SMC5: variants seen among roughly 807,000 people sequenced by gnomAD.
SMC5 encodes structural maintenance of chromosomes protein 5.
SMC5 carries 88 observed loss-of-function variants against 148.3 expected under a neutral mutation model. The ratio of observed to expected loss-of-function variants is 0.59; its 90% CI spans 0.50 to 0.71. SMC5 has a LOEUF of 0.71. Among genes scored for constraint, SMC5 ranks in the 30% least tolerant of loss-of-function variants. SMC5 has a pLI of 0.00. For synonymous variants in SMC5, 421 were observed against 432.8 expected, an observed-to-expected ratio of 0.97 and a Z score of 0.34; for missense variants, 1,142 against 1,298.9, an observed-to-expected ratio of 0.88 and a Z score of 1.86.
intron 8 of SMC5, among the ~76,000 whole-genome samples, chr9:70,288,354 C>T (rs556456715): frequency 6.6e-6 from 1 of 152,056 alleles, no homozygotes; most frequent in Non-Finnish European, 1.5e-5. Context: ...TTCTTCTCTT[C>T]CTATCACTGA....
At chr9:70,293,731 A>G (rs1337154189) in intron 8 of SMC5, among the ~76,000 whole-genome samples, 1 of 152,046 alleles carries the variant, frequency 6.6e-6, no homozygotes, top group Non-Finnish European at 1.5e-5. Context: ...CATTTAGACT[A>G]TTTCTAGTTT....
chr9:70,286,766 G>C (rs1200721764), intron 8 of SMC5: 2 of 148,424 alleles, frequency 1.3e-5, no homozygotes, highest in African/African-American at 5.1e-5. Context: ...ACCCAGGTTG[G>C]AGTACAGTGG....
intron 5 of SMC5, among the ~76,000 whole-genome samples, chr9:70,279,598 C>T (rs968930718): frequency 6.6e-6 from 1 of 152,022 alleles, no homozygotes. Flanking sequence ...GGGTGGATCA[C>T]CTGAGGTCAG....
In SMC5 at chr9:70,259,252, G is replaced by C. The variant is rs1308587747; in HGVS notation, c.174G>C (p.Met58Ile). 6.3e-7 allele frequency: 1 copy of C among 1,587,706 alleles called. No homozygotes were observed. The highest frequency in any genetic ancestry group is 8.6e-7 in the Non-Finnish European group (1 of 1,166,158). ...FVEGSIVRIS[M>I]ENFLTYDICE... ...AAGGCTCTATCGTCCGCATCTCGAT[G>C]GAGAACTTCCTGTAAGTTGCCCGGA... The change falls in exon 1 of 25, where the codon ATG becomes ATC. Residue 58 changes from methionine (M) to isoleucine (I), a missense_variant. Met to Ile is a conservative substitution (Grantham distance 10). Transcript: ENST00000361138.
chr9:70,341,856 A>C (rs1423577061), intron 17 of SMC5, among the ~76,000 whole-genome samples: 2 of 151,824 alleles, frequency 1.3e-5, no homozygotes, highest in Non-Finnish European at 2.9e-5. Flanking sequence ...CTAGAACTAG[A>C]AATACCATTT....
At chr9:70,318,310 C>A (rs1360829123) in intron 13 of SMC5, among the ~76,000 whole-genome samples, 1 of 151,836 alleles carries the variant, frequency 6.6e-6, no homozygotes, top group Non-Finnish European at 1.5e-5. Flanking sequence ...ATCACTTGAG[C>A]CTGGGGGGTT....
At position 70,285,180 on chromosome 9, in the gene SMC5, G is replaced by A. The variant is rs116894023; in HGVS notation, c.982-1020G>A. Among the ~76,000 whole-genome samples the A allele has an allele frequency of 3.1e-3, 473 of 152,084 alleles. 3 individuals are homozygous for A. Among genetic ancestry groups the A allele is most frequent in the Middle Eastern group, 6.8e-3 (2 of 294 alleles). ...TGTCTCTTGGCATCAGAGATCCACCGGAGACATGATTTCCTAGGAGGGCTC... is the reference window on the plus strand; with the variant it reads ...TGTCTCTTGGCATCAGAGATCCACCAGAGACATGATTTCCTAGGAGGGCTC... On this transcript the variant is annotated intron_variant, in intron 7 of 24. Coordinates refer to ENST00000361138, the MANE Select transcript of SMC5 (RefSeq NM_015110.4).
rs760805164 is a variant in SMC5, at chr9:70,318,988, G to T, written c.2150+25G>T. ...GGTATCTTTTAGCCTATTCAGGGGG[G>T]AGAGCACAAATTACTGTATGGGAGA... On this transcript the variant is annotated intron_variant, in intron 15 of 24. Coordinates refer to ENST00000361138, the MANE Select transcript of SMC5 (RefSeq NM_015110.4). The T allele has an allele frequency of 3.8e-6, 6 of 1,578,254 alleles. No homozygotes were observed. The South Asian group carries it at 6.0e-5, about 16-fold the overall frequency.
intron 17 of SMC5, among the ~76,000 whole-genome samples, chr9:70,343,147 C>T (rs1415716116): frequency 7.1e-6 from 1 of 141,624 alleles, no homozygotes; most frequent in Non-Finnish European, 1.5e-5. Flanking sequence ...CTTTCAGTCT[C>T]TTTTTTTTTT....
rs151273015 is a variant in SMC5 at position 70,281,850 on chromosome 9, C to A, written c.820-572C>A. 3.9e-3 allele frequency among the ~76,000 whole-genome samples: 595 copies of A among 151,290 alleles called. 3 individuals are homozygous for A. The highest frequency in any genetic ancestry group is 0.013 in the African/African-American group (550 of 41,280). On this transcript the variant is annotated intron_variant, in intron 6 of 24. Transcript: ENST00000361138. Reference sequence around the variant, plus strand: ...TTCTAAGATTGATTTACCTTTTTTTCATTTTTCTTCTTTTTTGATGTACTT... The same window carrying A: ...TTCTAAGATTGATTTACCTTTTTTTAATTTTTCTTCTTTTTTGATGTACTT...
intron 3 of SMC5, among the ~76,000 whole-genome samples, chr9:70,273,429 T>C (rs971417134): frequency 1.3e-5 from 2 of 152,056 alleles, no homozygotes; most frequent in African/African-American, 4.8e-5. Context: ...AAAGATTGAC[T>C]TGTCAATTTT....
chr9:70,275,923 A>G (rs1212735295), intron 3 of SMC5, among the ~76,000 whole-genome samples: 2 of 152,142 alleles, frequency 1.3e-5, no homozygotes, highest in Non-Finnish European at 2.9e-5. Flanking sequence ...TCATCCAAAT[A>G]TCTTTAATAT....
chr9:70,297,899 T>A, intron 8 of SMC5, 67 bp from the exon 9 acceptor site: 3 of 1,516,584 alleles, frequency 2.0e-6, no homozygotes, highest in Non-Finnish European at 2.7e-6. Context: ...AAAACTATAT[T>A]ACTACAGAAG....
At chr9:70,281,320 G>A (rs1233260870) in intron 6 of SMC5, among the ~76,000 whole-genome samples, 1 of 152,128 alleles carries the variant, frequency 6.6e-6, no homozygotes, top group African/African-American at 2.4e-5. Context: ...GATTACGGGT[G>A]TGAGCCACCG....
intron 17 of SMC5, among the ~76,000 whole-genome samples, chr9:70,340,003 A>G (rs2036476892): frequency 6.6e-6 from 1 of 152,158 alleles, no homozygotes; most frequent in African/African-American, 2.4e-5. Context: ...AAGCTTAATC[A>G]TTCTCTGCAG....
intron 17 of SMC5, among the ~76,000 whole-genome samples, chr9:70,341,106 C>T (rs1218231364): frequency 1.3e-5 from 2 of 152,060 alleles, no homozygotes; most frequent in Admixed American, 1.3e-4. Flanking sequence ...ATTATATATG[C>T]CTTCCCACTT....
chr9:70,309,428 C>T (rs2035601742), intron 11 of SMC5, among the ~76,000 whole-genome samples: 1 of 145,386 alleles, frequency 6.9e-6, no homozygotes, highest in Non-Finnish European at 1.5e-5. Flanking sequence ...GCATGAGCCA[C>T]CGCGCCCAGC....
chr9:70,282,985 G>A (rs976763840), intron 7 of SMC5, among the ~76,000 whole-genome samples: 9 of 152,148 alleles, frequency 5.9e-5, no homozygotes, highest in Admixed American at 5.9e-4. Flanking sequence ...TATTTTAAAA[G>A]TATAACTAGA....
chr9:70,338,581 A>G (rs1327744585), intron 17 of SMC5, among the ~76,000 whole-genome samples: 1 of 152,208 alleles, frequency 6.6e-6, no homozygotes, highest in Non-Finnish European at 1.5e-5. Flanking sequence ...GCTTTATAAT[A>G]TTATACATCA....
Sources: allele counts gnomAD v4.1 joint callset (sites outside exome capture counted in the v4.1 genomes callset), GRCh38; gene constraint gnomAD v4.1.1; transcripts MANE v1.5; gene names NCBI Gene and HGNC (gene_info 2026-07-23, HGNC 2026-07-21).